ACO2: variants seen among roughly 807,000 people sequenced by gnomAD.
ACO2 encodes the protein aconitate hydratase, mitochondrial.
Under a neutral mutation model 84.5 loss-of-function variants are expected in ACO2, and 31 were observed. That is an observed-to-expected ratio of 0.37 (90% CI 0.28 to 0.50). The LOEUF is 0.50. Among genes scored for constraint, ACO2 ranks in the 20% least tolerant of loss-of-function variants. The pLI is 0.97. For synonymous variants in ACO2, 414 were observed against 412.7 expected (o/e 1.00, Z -0.04); for missense variants, 685 against 1,029.3 (o/e 0.67, Z 4.58).
At chr22:41,527,583 G>T in intron 16 of ACO2, 163 bp downstream of exon 16, 1 of 1,026,236 alleles carries the variant, frequency 9.7e-7, no homozygotes, top group African/African-American at 1.6e-5. Context: ...GTGCACATCC[G>T]ACGCTCAGCT....
Position 41,515,726 on chromosome 22 carries a change from A to G in ACO2, c.685-41A>G. ...TCCTGACTTCGTGGCTGGCACAGGC[A>G]CACACGGCCTCTCACAGCCGCCTCG... On this transcript the variant is annotated intron_variant, in intron 5 of 17. Coordinates refer to ENST00000216254, the MANE Select transcript of ACO2 (RefSeq NM_001098.3). The surrounding 1 kb of genome is among the most constrained non-coding windows in gnomAD (Gnocchi z 5.8). 1 of 1,611,902 alleles carries G rather than the reference A, an allele frequency of 6.2e-7. No individual in the cohort carries two copies.
chr22:41,491,252 G>C (rs2066269701), intron 1 of ACO2, among the ~76,000 whole-genome samples: 1 of 152,086 alleles, frequency 6.6e-6, no homozygotes, highest in Non-Finnish European at 1.5e-5. Flanking sequence ...TGCCCTTGAG[G>C]AAGGCGGGTT....
intron 12 of ACO2, among the ~76,000 whole-genome samples, chr22:41,524,193 C>A (rs766598999): frequency 3.9e-5 from 6 of 152,228 alleles, no homozygotes; most frequent in Admixed American, 2.0e-4. Flanking sequence ...GCCTAGGACA[C>A]ATCCCAGCCC....
Position 41,507,857 on chromosome 22 carries a change from G to A in ACO2, c.240G>A (p.Gln80=). Residue 80 remains glutamine (Q), a synonymous_variant, in exon 3 of 18, where the codon CAG becomes CAA. Coordinates refer to ENST00000216254, the MANE Select transcript of ACO2 (RefSeq NM_001098.3). ...VYGHLDDPAS[Q]EIERGKSYLR... ...GACACCTGGATGACCCCGCCAGCCA[G>A]GAAATTGAGCGAGGCAAGTCGTACC... The A allele has an allele frequency of 6.2e-7, 1 of 1,614,266 alleles. No homozygotes were observed. Among genetic ancestry groups the A allele is most frequent in the South Asian group, 1.1e-5 (1 of 91,088 alleles).
chr22:41,478,968 T>G (rs984218572), intron 1 of ACO2, among the ~76,000 whole-genome samples: 2 of 152,112 alleles, frequency 1.3e-5, no homozygotes, highest in Non-Finnish European at 2.9e-5. Flanking sequence ...CTTTAGTTCC[T>G]TGTAGCCGGG....
intron 2 of ACO2, among the ~76,000 whole-genome samples, chr22:41,502,063 C>T (rs148926798): frequency 5.3e-4 from 80 of 152,158 alleles, no homozygotes; most frequent in African/African-American, 1.9e-3. Context: ...GGGGAAATAC[C>T]CTAAGGCCAT....
At chr22:41,527,822 A>G (rs917329304) in intron 16 of ACO2, 79 bp from the exon 17 acceptor site, 213 of 1,604,420 alleles carry the variant, frequency 1.3e-4, no homozygotes, top group Non-Finnish European at 1.8e-4. Flanking sequence ...GGCATCTCCC[A>G]GAGCCCCAGA....
intron 1 of ACO2, among the ~76,000 whole-genome samples, chr22:41,478,880 C>T (rs1369038557): frequency 6.6e-6 from 1 of 151,184 alleles, no homozygotes; most frequent in Non-Finnish European, 1.5e-5. Flanking sequence ...AAGCAATTCT[C>T]CTGCCTCAGC....
At chr22:41,509,231 T>A (rs2066416685) in intron 3 of ACO2, among the ~76,000 whole-genome samples, 1 of 152,164 alleles carries the variant, frequency 6.6e-6, no homozygotes, top group African/African-American at 2.4e-5. Flanking sequence ...CTGCTTGCTT[T>A]ATGGGCTCAG....
intron 1 of ACO2, among the ~76,000 whole-genome samples, chr22:41,490,476 G>C (rs1283413693): frequency 6.6e-6 from 1 of 152,168 alleles, no homozygotes; most frequent in Non-Finnish European, 1.5e-5. Flanking sequence ...ATTCCATGGT[G>C]CATGAGCCAG....
chr22:41,527,772 T>A, intron 16 of ACO2, 129 bp from the exon 17 acceptor site: 1 of 1,482,320 alleles, frequency 6.7e-7, no homozygotes, highest in Non-Finnish European at 9.1e-7. Context: ...CAGGGCCCCA[T>A]AGTCACTGCC....
In ACO2 at chr22:41,526,347, A is replaced by G; in HGVS notation, c.1847A>G (p.Asn616Ser). The change falls in exon 15 of 18, where the codon AAC becomes AGC. Residue 616 changes from asparagine to serine, a missense_variant. Physicochemically the swap from Asn to Ser is conservative, Grantham distance 46 (BLOSUM62 1). Transcript: ENST00000216254. ...FRGHLDNISN[N>S]LLIGAINIEN... is the part of the protein sequence containing the mutation. ...GGGCACTTGGATAACATCTCCAACA[A>G]CCTGCTCATTGGTGCCATCAACATT... 1 of 1,613,376 alleles carries G rather than the reference A, an allele frequency of 6.2e-7. No homozygotes were observed. The highest frequency in any genetic ancestry group is 8.5e-7 in the Non-Finnish European group (1 of 1,180,006).
chr22:41,469,263 A>G (rs2146069156), intron 1 of ACO2, 81 bp downstream of exon 1: 2 of 1,523,450 alleles, frequency 1.3e-6, no homozygotes, highest in Non-Finnish European at 1.8e-6. Context: ...AGGCAGGGCG[A>G]GGCGGGCCCA....
intron 12 of ACO2, 61 bp downstream of exon 12, chr22:41,524,002 A>G (rs945822957): frequency 1.4e-6 from 2 of 1,458,698 alleles, no homozygotes; most frequent in Admixed American, 3.5e-5. Context: ...GGCGGGTCAG[A>G]GGAGGAGGCA....
At chr22:41,479,966 G>A (rs1158474747) in intron 1 of ACO2, among the ~76,000 whole-genome samples, 2 of 152,230 alleles carry the variant, frequency 1.3e-5, no homozygotes, top group African/African-American at 4.8e-5. Context: ...GGAGAGACAT[G>A]GCTCCTTGCT....
intron 2 of ACO2, among the ~76,000 whole-genome samples, chr22:41,503,195 T>C (rs1183523547): frequency 1.3e-5 from 2 of 152,226 alleles, no homozygotes; most frequent in African/African-American, 4.8e-5. Context: ...ACTACAACAA[T>C]ATTTTTCCTT....
intron 1 of ACO2, among the ~76,000 whole-genome samples, chr22:41,498,360 A>G (rs1455399336): frequency 1.3e-5 from 2 of 152,164 alleles, no homozygotes; most frequent in African/African-American, 4.8e-5. Flanking sequence ...ACAATCATTT[A>G]TTTATTGCTG....
At chr22:41,528,175 T>C in intron 17 of ACO2, 153 bp downstream of exon 17, 1 of 1,245,848 alleles carries the variant, frequency 8.0e-7, no homozygotes, top group South Asian at 1.5e-5. Flanking sequence ...GAAAGCAAAG[T>C]GGCTTCTCAG....
chr22:41,507,468 C>T lies in ACO2; in HGVS notation c.174-323C>T, dbSNP rs116438213. ...CAGGAATGATGAGATATGCATGTTG[C>T]GGGGACTTAGTAGGAATTACGATGC... On this transcript the variant is annotated intron_variant, in intron 2 of 17. Coordinates refer to ENST00000216254, the MANE Select transcript of ACO2 (RefSeq NM_001098.3). Among the ~76,000 whole-genome samples the T allele has an allele frequency of 0.014, 2,168 of 152,138 alleles. 53 individuals are homozygous for T. Among genetic ancestry groups the T allele is most frequent in the African/African-American group, 0.049 (2,043 of 41,492 alleles).
Sources: gnomAD v4.1 joint callset for allele counts (sites outside exome capture counted in the v4.1 genomes callset) on GRCh38, gnomAD v4.1.1 for gene constraint, Gnocchi (gnomAD v3.1) non-coding constraint, MANE v1.5 for transcripts, NCBI Gene and HGNC (gene_info 2026-07-23, HGNC 2026-07-21) for gene names.